PLXDC2: variants seen among roughly 807,000 people sequenced by gnomAD.
PLXDC2 encodes the protein plexin domain containing 2.
PLXDC2 carries 40 observed loss-of-function variants against 68.9 expected under a neutral mutation model. The observed-to-expected ratio is 0.58, with a 90% CI of 0.45 to 0.76. The LOEUF is 0.76. PLXDC2 is among the 30% of genes least tolerant of loss of function. The pLI, the probability that PLXDC2 is intolerant of heterozygous loss-of-function variation, is 0.00. For missense variants in PLXDC2, 644 were observed against 661.9 expected, an observed-to-expected ratio of 0.97 and a Z score of 0.30; for synonymous variants, 243 against 234.2, an observed-to-expected ratio of 1.04 and a Z score of -0.34.
intron 4 of PLXDC2, among the ~76,000 whole-genome samples, chr10:20,082,902 A>C (rs1002934425): frequency 6.6e-6 from 1 of 152,136 alleles, no homozygotes; most frequent in African/African-American, 2.4e-5. Context: ...AAAAAACAGA[A>C]CACCACAGGA....
At chr10:19,901,759 T>C (rs1170846546) in intron 1 of PLXDC2, among the ~76,000 whole-genome samples, 1 of 152,194 alleles carries the variant, frequency 6.6e-6, no homozygotes, top group Non-Finnish European at 1.5e-5. Flanking sequence ...CCTAAGCCAA[T>C]GTCTGAAGGG....
chr10:19,984,973 C>T (rs1479227404), intron 1 of PLXDC2, among the ~76,000 whole-genome samples: 2 of 152,128 alleles, frequency 1.3e-5, no homozygotes, highest in Admixed American at 1.3e-4. Flanking sequence ...AATTCTTACT[C>T]TTGTAAAAGG....
chr10:20,216,371 G>T (rs537506459), intron 10 of PLXDC2, among the ~76,000 whole-genome samples: 1 of 152,194 alleles, frequency 6.6e-6, no homozygotes, highest in South Asian at 2.1e-4. Flanking sequence ...GTATCTGAAA[G>T]GAAATAATTA....
intron 6 of PLXDC2, among the ~76,000 whole-genome samples, chr10:20,160,027 G>A (rs1200770425): frequency 6.6e-6 from 1 of 152,090 alleles, no homozygotes. Flanking sequence ...GCCTGTCCCT[G>A]TTCTCTAGAA....
intron 13 of PLXDC2, among the ~76,000 whole-genome samples, chr10:20,273,657 A>G (rs2119387687): frequency 1.3e-5 from 2 of 152,336 alleles, no homozygotes; most frequent in Middle Eastern, 3.4e-3. Context: ...CTGATAAAAT[A>G]CCAAGAAACA....
At chr10:20,061,163 A>G (rs1297598108) in intron 3 of PLXDC2, among the ~76,000 whole-genome samples, 1 of 152,168 alleles carries the variant, frequency 6.6e-6, no homozygotes, top group African/African-American at 2.4e-5. Flanking sequence ...TAGCTAATCC[A>G]TGGGCTTTAT....
At chr10:20,045,963 C>T (rs1180110675) in intron 2 of PLXDC2, among the ~76,000 whole-genome samples, 3 of 151,936 alleles carry the variant, frequency 2.0e-5, no homozygotes, top group Non-Finnish European at 2.9e-5. Flanking sequence ...GAGTGGGAAC[C>T]ATGAAGAATA....
intron 6 of PLXDC2, among the ~76,000 whole-genome samples, chr10:20,157,377 A>C (rs941879519): frequency 6.6e-5 from 10 of 152,212 alleles, no homozygotes; most frequent in African/African-American, 2.4e-4. Context: ...TATACAATCA[A>C]ACCCTTGCTG....
intron 1 of PLXDC2, among the ~76,000 whole-genome samples, chr10:19,964,068 C>T (rs573352650): frequency 1.3e-5 from 2 of 152,286 alleles, no homozygotes; most frequent in East Asian, 3.9e-4. Flanking sequence ...CGGTTATAAG[C>T]AATGTTCTGC....
intron 12 of PLXDC2, among the ~76,000 whole-genome samples, chr10:20,240,047 C>A (rs1272752288): frequency 1.3e-5 from 2 of 152,068 alleles, no homozygotes; most frequent in African/African-American, 4.8e-5. Context: ...GCATAGTACC[C>A]AATAGGTAGT....
At chr10:20,044,290 TTTC>T (rs1835757634) in intron 2 of PLXDC2, among the ~76,000 whole-genome samples, 1 of 118,352 alleles carries the variant, frequency 8.4e-6, no homozygotes, top group African/African-American at 3.3e-5. Context: ...TCTTTCTTTC[TTTC>T]TTCTTTCTCT....
At chr10:20,273,249 A>G (rs1259979706) in intron 13 of PLXDC2, among the ~76,000 whole-genome samples, 1 of 152,082 alleles carries the variant, frequency 6.6e-6, no homozygotes, top group African/African-American at 2.4e-5. Flanking sequence ...TTTTATGGCA[A>G]TATTTTATTT....
intron 1 of PLXDC2, among the ~76,000 whole-genome samples, chr10:19,864,886 G>A (rs1214588133): frequency 1.3e-5 from 2 of 152,152 alleles, no homozygotes; most frequent in South Asian, 2.1e-4. Flanking sequence ...GTCAAACGGG[G>A]CTTCCTCCCC....
intron 2 of PLXDC2, among the ~76,000 whole-genome samples, chr10:20,036,381 T>A (rs1036144169): frequency 2.0e-5 from 3 of 152,142 alleles, no homozygotes; most frequent in Non-Finnish European, 4.4e-5. Flanking sequence ...AGGAGAGCCC[T>A]CAATGAAAAC....
intron 1 of PLXDC2, among the ~76,000 whole-genome samples, chr10:19,917,773 C>A (rs1289918509): frequency 3.9e-5 from 6 of 152,196 alleles, no homozygotes; most frequent in Admixed American, 6.5e-5. Flanking sequence ...ACCTACTCAT[C>A]TGAATGCATT....
At chr10:19,967,096 A>G (rs1834275855) in intron 1 of PLXDC2, among the ~76,000 whole-genome samples, 1 of 152,270 alleles carries the variant, frequency 6.6e-6, no homozygotes, top group Non-Finnish European at 1.5e-5. Flanking sequence ...AAATGTGACT[A>G]TAATGACACC....
chr10:19,844,140 G>T (rs1836957251), intron 1 of PLXDC2, among the ~76,000 whole-genome samples: 1 of 152,184 alleles, frequency 6.6e-6, no homozygotes, highest in South Asian at 2.1e-4. Context: ...GTAGTGAGCG[G>T]TGTTCTCAAC....
At chr10:20,015,785 C>T (rs552056215) in intron 2 of PLXDC2, among the ~76,000 whole-genome samples, 4 of 152,260 alleles carry the variant, frequency 2.6e-5, no homozygotes, top group East Asian at 3.9e-4. Flanking sequence ...CTCCAATTCT[C>T]TCATCCTCAT....
At chr10:19,927,713 C>CAAAAAAAAAAAAAAAAAAAAAAAAAAAA (rs35250324) in intron 1 of PLXDC2, among the ~76,000 whole-genome samples, 1 of 53,142 alleles carries the variant, frequency 1.9e-5, no homozygotes, top group African/African-American at 7.9e-5. Flanking sequence ...GGAAAAAAAG[C>CAAAAAAAAAAAAAAAAAAAAAAAAAAAA]AAAAAAAAAA....
Sources: gnomAD v4.1 joint callset for allele counts (sites outside exome capture counted in the v4.1 genomes callset) on GRCh38, gnomAD v4.1.1 for gene constraint, MANE v1.5 for transcripts, NCBI Gene and HGNC (gene_info 2026-07-23, HGNC 2026-07-21) for gene names.